The following ADGRL1 variants were observed in gnomAD, a reference collection of about 807,000 sequenced individuals.
ADGRL1 encodes adhesion G protein-coupled receptor L1, also known as CIRL-1.
ADGRL1 carries 31 observed loss-of-function variants against 148.9 expected under a neutral mutation model. The ratio of observed to expected loss-of-function variants is 0.21; its 90% CI spans 0.16 to 0.28. The LOEUF (loss-of-function observed/expected upper bound fraction) is 0.28, where lower values mean the gene tolerates loss of function less well. Ranked by LOEUF, ADGRL1 falls within the 10% of genes least tolerant of loss-of-function variation. The pLI, the probability that ADGRL1 is intolerant of heterozygous loss-of-function variation, is 1.00. For synonymous variants in ADGRL1, 937 were observed against 900.3 expected, an observed-to-expected ratio of 1.04 and a Z score of -0.73; for missense variants, 1,521 against 2,058.8, an observed-to-expected ratio of 0.74 and a Z score of 5.05.
chr19:14,202,742 A>G (rs1389849814), intron 1 of ADGRL1, among the ~76,000 whole-genome samples: 1 of 152,164 alleles, frequency 6.6e-6, no homozygotes, highest in Non-Finnish European at 1.5e-5. Flanking sequence ...CTGCAGGTGC[A>G]CAAAAGATGC....
At chr19:14,182,822 G>A (rs1013174888) in intron 2 of ADGRL1, among the ~76,000 whole-genome samples, 3 of 152,202 alleles carry the variant, frequency 2.0e-5, no homozygotes, top group Non-Finnish European at 2.9e-5. Context: ...CAGCTGAACC[G>A]TGTCCCTTCA....
intron 4 of ADGRL1, 22 bp from the exon 5 acceptor site, chr19:14,163,428 G>A (rs1426284996): frequency 4.0e-6 from 6 of 1,498,290 alleles, no homozygotes; most frequent in Non-Finnish European, 5.4e-6. Context: ...GGGCGGGAGG[G>A]GAGGAGGTAG....
chr19:14,161,700 C>T lies in ADGRL1; in HGVS notation c.1196-74G>A. The T allele has an allele frequency of 9.0e-7, 1 of 1,114,270 alleles. No homozygotes were observed. Among genetic ancestry groups the T allele is most frequent in the Non-Finnish European group, 1.2e-6 (1 of 853,810 alleles). The allele number at this position is 1,114,270 out of a possible 1,614,324, so 69.0% of individuals were successfully genotyped here. A position where few individuals can be genotyped will look rare whatever the true frequency, so the allele number is the denominator to read the frequency against. On this transcript the variant is annotated intron_variant, in intron 5 of 22. Coordinates refer to ENST00000361434, the MANE Select transcript of ADGRL1 (RefSeq NM_014921.5). The surrounding 1 kb of genome is among the most constrained non-coding windows in gnomAD (Gnocchi z 4.4). ...CACAGTGTGCTTGGGCAGGGGGTCC[C>T]AGGCCATCTTAGCATCTTCCTCATC... is the stretch of plus-strand genomic sequence containing the variant.
chr19:14,157,122 G>A lies in ADGRL1; in HGVS notation c.2769C>T (p.Gly923=), dbSNP rs371413705. 5 of 1,613,950 alleles carry A rather than the reference G, an allele frequency of 3.1e-6. No homozygotes were observed. The African/African-American group carries it at 4.0e-5, about 13-fold the overall frequency. ...CAGCCAGGAAGAAATAGTGCAGCAG[G>A]CCGGCGAAGATGGGGCAGGCAATCT... ...QYEIACPIFA[G]LLHYFFLAAF... Residue 923 remains glycine, a synonymous_variant, in exon 15 of 23, where the codon GGC becomes GGT. Coordinates refer to ENST00000361434, the MANE Select transcript of ADGRL1 (RefSeq NM_014921.5). This position sits in a 1 kb window ranked among gnomAD's most constrained non-coding sequence, Gnocchi z 7.5.
At position 14,163,306 on chromosome 19, in the gene ADGRL1, C is replaced by A. The variant is rs765071934; in HGVS notation, c.495G>T (p.Ala165=). 6.2e-7 allele frequency: 1 copy of A among 1,613,450 alleles called. No homozygotes were observed. Among genetic ancestry groups the A allele is most frequent in the Non-Finnish European group, 8.5e-7 (1 of 1,179,954 alleles). ...SGAWCKDPLQ[A]GDRIYVMPWI... ...AGGGCATCACGTAGATGCGGTCACC[C>A]GCCTGCAGCGGGTCCTTGCACCATG... Residue 165 remains alanine (A), a synonymous_variant, in exon 5 of 23, where the codon GCG becomes GCT. Transcript: ENST00000361434.
In ADGRL1 at chr19:14,153,824, G is replaced by A. The variant is rs140965844; in HGVS notation, c.3295-912C>T. Among the ~76,000 whole-genome samples the A allele has an allele frequency of 8.3e-3, 1,261 of 151,764 alleles. 18 individuals are homozygous for A. The highest frequency in any genetic ancestry group is 0.029 in the African/African-American group (1,201 of 41,386). ...AAATTAGCTGGTCGTGGCAGTGGGC[G>A]TCTGTAATCCCAGCTAGTTGGCAGG... On this transcript the variant is annotated intron_variant, in intron 18 of 22. Transcript: ENST00000361434.
At position 14,151,373 on chromosome 19, in the gene ADGRL1, G is replaced by A. The variant is rs1183659085; in HGVS notation, c.3910C>T (p.Pro1304Ser). ...AAKGPPPPEP[P>S]VPPVPGGGGE... The stretch of plus-strand genomic sequence containing the variant: ...CCGCCCCCTGGCACAGGTGGCACAG[G>A]GGGCTCAGGCGGTGGAGGGCCCTTG... Residue 1304 changes from proline to serine, a missense_variant, in exon 23 of 23, where the codon CCT (proline) becomes TCT (serine). Physicochemically the swap from Pro to Ser is moderately conservative, Grantham distance 74. Coordinates refer to ENST00000361434, the MANE Select transcript of ADGRL1 (RefSeq NM_014921.5). 6.2e-7 allele frequency: 1 copy of A among 1,602,688 alleles called. No homozygotes were observed. Among genetic ancestry groups the A allele is most frequent in the Non-Finnish European group, 8.5e-7 (1 of 1,175,390 alleles).
chr19:14,183,207 G>GAGAGAGAGAGAA (rs1218534881), intron 2 of ADGRL1, among the ~76,000 whole-genome samples: 2 of 150,198 alleles, frequency 1.3e-5, no homozygotes, highest in Non-Finnish European at 3.0e-5. Context: ...GAGAGAGAGA[G>GAGAGAGAGAGAA]AGAGAGAGAG....
At chr19:14,199,744 A>G (rs1223958594) in intron 1 of ADGRL1, among the ~76,000 whole-genome samples, 1 of 140,242 alleles carries the variant, frequency 7.1e-6, no homozygotes, top group Non-Finnish European at 1.5e-5. Context: ...TATTTTATTT[A>G]TTTATTTGAG....
At chr19:14,202,472 C>G (rs1411041774) in intron 1 of ADGRL1, among the ~76,000 whole-genome samples, 1 of 152,038 alleles carries the variant, frequency 6.6e-6, no homozygotes, top group Admixed American at 6.5e-5. Flanking sequence ...AGGCTGGTCT[C>G]GAGCCCCTGA....
Position 14,162,869 on chromosome 19 carries a change from G to A in ADGRL1, c.932C>T (p.Ser311Phe). Residue 311 changes from serine (S) to phenylalanine (F), a missense_variant, in exon 5 of 23, where the codon TCC becomes TTC. Around this residue, in one of 8 missense-constraint regions of ADGRL1, gnomAD observed 334 missense variants for 512.5 expected, o/e 0.65. Transcript: ENST00000361434. This position sits in a 1 kb window ranked among gnomAD's most constrained non-coding sequence, Gnocchi z 5.4. Reference sequence around the variant, plus strand: ...GACCCCACACACCATGAAGGCGTTGGATGCCGAGCGCTTGTCGTAACCCGT... The same window carrying A: ...GACCCCACACACCATGAAGGCGTTGAATGCCGAGCGCTTGTCGTAACCCGT... ...WETGYDKRSASNAFMVCGVLY... is the reference protein window; with the variant it reads ...WETGYDKRSAFNAFMVCGVLY... 3 of 1,614,020 alleles carry A rather than the reference G, an allele frequency of 1.9e-6. No homozygotes were observed. Among genetic ancestry groups the A allele is most frequent in the Non-Finnish European group, 2.5e-6 (3 of 1,179,980 alleles).
intron 1 of ADGRL1, among the ~76,000 whole-genome samples, chr19:14,184,586 C>T (rs1288815874): frequency 6.6e-6 from 1 of 150,786 alleles, no homozygotes; most frequent in Non-Finnish European, 1.5e-5. Context: ...GCTTGCACCA[C>T]TACCACCAGC....
chr19:14,154,897 G>T (rs1177458297), intron 18 of ADGRL1, among the ~76,000 whole-genome samples: 1 of 152,132 alleles, frequency 6.6e-6, no homozygotes, highest in African/African-American at 2.4e-5. Flanking sequence ...GATTACAGGC[G>T]TGAGCCACCG....
chr19:14,168,698 T>C (rs1970213898), intron 4 of ADGRL1: 1 of 152,202 alleles, frequency 6.6e-6, no homozygotes, highest in South Asian at 2.1e-4. Flanking sequence ...GACCGAGGAA[T>C]TTTTCCTGCC....
chr19:14,181,120 A>G (rs985875334), intron 2 of ADGRL1, among the ~76,000 whole-genome samples: 1 of 152,270 alleles, frequency 6.6e-6, no homozygotes, highest in African/African-American at 2.4e-5. Flanking sequence ...CTTCTAGTGA[A>G]TGATCATACC....
chr19:14,193,531 G>A (rs1275511002), intron 1 of ADGRL1, among the ~76,000 whole-genome samples: 1 of 152,134 alleles, frequency 6.6e-6, no homozygotes, highest in Non-Finnish European at 1.5e-5. Context: ...AGGCTGCAGT[G>A]AGCTCTGATT....
At chr19:14,158,649 T>C in intron 11 of ADGRL1, 97 bp from the exon 12 acceptor site, 1 of 985,042 alleles carries the variant, frequency 1.0e-6, no homozygotes, top group South Asian at 1.5e-5. Flanking sequence ...TCCTCAGCCC[T>C]TGGCCACGCT....
chr19:14,154,070 G>A (rs912148403), intron 18 of ADGRL1, among the ~76,000 whole-genome samples: 2 of 152,152 alleles, frequency 1.3e-5, no homozygotes, highest in African/African-American at 4.8e-5. Context: ...AGCAGAGGTT[G>A]GAGGGAGGGG....
chr19:14,200,537 C>A (rs544768119), intron 1 of ADGRL1, among the ~76,000 whole-genome samples: 1 of 152,376 alleles, frequency 6.6e-6, no homozygotes, highest in African/African-American at 2.4e-5. Flanking sequence ...CAGAACCCGT[C>A]TGCGGCCCGC....
Sources: allele counts gnomAD v4.1 joint callset (sites outside exome capture counted in the v4.1 genomes callset), GRCh38; gene constraint gnomAD v4.1.1; regional missense constraint gnomAD v4.1.1; non-coding constraint Gnocchi (gnomAD v3.1); transcripts MANE v1.5; gene names NCBI Gene and HGNC (gene_info 2026-07-23, HGNC 2026-07-21).